Variants in EFCAB6 observed in about 807,000 individuals in gnomAD.
The protein encoded by EFCAB6 is EF-hand calcium-binding domain-containing protein 6.
In EFCAB6, 156 loss-of-function variants were observed where a neutral mutation model predicts 169.8. The ratio of observed to expected loss-of-function variants is 0.92; its 90% CI spans 0.81 to 1.05. EFCAB6 has a LOEUF of 1.05. Among genes scored for constraint, EFCAB6 ranks in the 50% least tolerant of loss-of-function variants. The pLI is 0.00. For synonymous variants in EFCAB6, 698 were observed against 676.4 expected, an observed-to-expected ratio of 1.03 and a Z score of -0.50; for missense variants, 1,800 against 1,829.1, an observed-to-expected ratio of 0.98 and a Z score of 0.29.
At chr22:43,590,031 T>G in intron 24 of EFCAB6, 43 bp downstream of exon 24, 1 of 1,590,572 alleles carries the variant, frequency 6.3e-7, no homozygotes, top group East Asian at 2.2e-5. Flanking sequence ...CCAGTATGTT[T>G]TTCAGGGCCA....
chr22:43,625,902 C>T (rs2054480767), intron 20 of EFCAB6, among the ~76,000 whole-genome samples: 1 of 152,240 alleles, frequency 6.6e-6, no homozygotes, highest in Non-Finnish European at 1.5e-5. Context: ...CACGGCCCTC[C>T]GCCTGCCCCT....
At chr22:43,573,697 C>T (rs1376268484) in intron 26 of EFCAB6, among the ~76,000 whole-genome samples, 5 of 145,436 alleles carry the variant, frequency 3.4e-5, no homozygotes, top group Admixed American at 2.1e-4. Context: ...TGCCATTGCA[C>T]TCCAGCCTGG....
At chr22:43,763,531 AC>A (rs905742161) in intron 5 of EFCAB6, among the ~76,000 whole-genome samples, 1 of 152,050 alleles carries the variant, frequency 6.6e-6, no homozygotes, top group Non-Finnish European at 1.5e-5. Flanking sequence ...AAATTCTTAC[AC>A]CTAAACTGCA....
intron 24 of EFCAB6, among the ~76,000 whole-genome samples, chr22:43,581,351 C>T (rs577750790): frequency 6.6e-6 from 1 of 152,174 alleles, no homozygotes; most frequent in Admixed American, 6.5e-5. Context: ...TTTTACAAAA[C>T]CTATCTAGCT....
At chr22:43,550,985 C>A (rs2048348818) in intron 27 of EFCAB6, among the ~76,000 whole-genome samples, 1 of 152,190 alleles carries the variant, frequency 6.6e-6, no homozygotes, top group Admixed American at 6.5e-5. Flanking sequence ...ACTTACAGAG[C>A]TCGATAAGTC....
rs2051238810 is a variant in EFCAB6, at chr22:43,588,605, A to G, written c.3032+1469T>C. ...AGTCCAGGCAGTTCAATATTCAATA[A>G]CAACAGGAGTTTCAGAAAAAATAGA... is the stretch of plus-strand genomic sequence containing the variant. On this transcript the variant is annotated intron_variant, in intron 24 of 31. Coordinates refer to ENST00000262726, the MANE Select transcript of EFCAB6 (RefSeq NM_022785.4). 2.0e-5 allele frequency among the ~76,000 whole-genome samples: 3 copies of G among 152,240 alleles called. No individual in the cohort carries two copies. The South Asian group carries it at 6.2e-4, about 32-fold the overall frequency.
chr22:43,738,746 C>T (rs1005216282), intron 6 of EFCAB6, among the ~76,000 whole-genome samples: 18 of 152,148 alleles, frequency 1.2e-4, no homozygotes, highest in African/African-American at 4.3e-4. Context: ...TTTCTCCTTC[C>T]ACCTCCTGCT....
chr22:43,716,818 A>G, intron 9 of EFCAB6, 30 bp downstream of exon 9: 3 of 1,589,468 alleles, frequency 1.9e-6, no homozygotes, highest in Non-Finnish European at 2.6e-6. Context: ...TTTACTCTGT[A>G]GGTAATTGTG....
intron 6 of EFCAB6, among the ~76,000 whole-genome samples, chr22:43,751,489 T>C (rs569006155): frequency 1.3e-5 from 2 of 152,326 alleles, no homozygotes; most frequent in African/African-American, 2.4e-5. Flanking sequence ...GCCTGAAGAA[T>C]GTGAGGAAGC....
intron 6 of EFCAB6, among the ~76,000 whole-genome samples, chr22:43,753,109 G>A (rs777812147): frequency 6.6e-6 from 1 of 152,078 alleles, no homozygotes; most frequent in Non-Finnish European, 1.5e-5. Context: ...AACCATCCAC[G>A]GCACCCCACC....
chr22:43,772,175 G>A (rs1185353319), intron 4 of EFCAB6, among the ~76,000 whole-genome samples: 3 of 152,150 alleles, frequency 2.0e-5, no homozygotes, highest in African/African-American at 4.8e-5. Context: ...CACTGGGCTG[G>A]GAGCTCCTCA....
intron 11 of EFCAB6, 33 bp from the exon 12 acceptor site, chr22:43,683,888 G>T (rs2058093546): frequency 2.0e-6 from 3 of 1,508,372 alleles, no homozygotes; most frequent in East Asian, 2.2e-5. Flanking sequence ...GCAGGAATAA[G>T]ATTATGTTCT....
chr22:43,551,440 G>A lies in EFCAB6; in HGVS notation c.3648+3429C>T, dbSNP rs990795074. On this transcript the variant is annotated intron_variant, in intron 27 of 31. Transcript: ENST00000262726. ...ACTTTAGCACGAACCTAATATTCGT[G>A]CCAGAGTTTGAGGTTCTTGATGAGG... 4.6e-5 allele frequency among the ~76,000 whole-genome samples: 7 copies of A among 152,354 alleles called. No homozygotes were observed. In the South Asian group the frequency reaches 1.4e-3, roughly 32 times the overall value.
chr22:43,559,874 CA>C (rs2048924353), intron 26 of EFCAB6, among the ~76,000 whole-genome samples: 1 of 148,252 alleles, frequency 6.7e-6, no homozygotes, highest in East Asian at 2.0e-4. Context: ...GGGTGGGGGG[CA>C]AGGGGAGGGA....
At chr22:43,761,947 T>C (rs1603342887) in intron 5 of EFCAB6, among the ~76,000 whole-genome samples, 1 of 152,248 alleles carries the variant, frequency 6.6e-6, no homozygotes, top group African/African-American at 2.4e-5. Flanking sequence ...TCTCATTCTT[T>C]GTCTCTTCAT....
chr22:43,675,982 C>T (rs2057739327), intron 13 of EFCAB6, among the ~76,000 whole-genome samples: 1 of 151,736 alleles, frequency 6.6e-6, no homozygotes, highest in South Asian at 2.1e-4. Context: ...GCCTAACTGC[C>T]CCAGTGACAA....
chr22:43,808,134 A>G (rs546352147), intron 2 of EFCAB6, among the ~76,000 whole-genome samples: 1 of 152,290 alleles, frequency 6.6e-6, no homozygotes, highest in Admixed American at 6.5e-5. Flanking sequence ...ATATGTATGG[A>G]CTTTTTTCCT....
chr22:43,782,124 A>G, intron 3 of EFCAB6, 56 bp downstream of exon 3: 1 of 1,535,556 alleles, frequency 6.5e-7, no homozygotes, highest in Non-Finnish European at 8.9e-7. Context: ...GGTACATATT[A>G]AATACATATA....
intron 21 of EFCAB6, among the ~76,000 whole-genome samples, chr22:43,612,277 C>T (rs1224834993): frequency 6.6e-6 from 1 of 152,084 alleles, no homozygotes; most frequent in African/African-American, 2.4e-5. Flanking sequence ...AGAAATATTT[C>T]ATGACGAAAG....
Sources: gnomAD v4.1 joint callset for allele counts (sites outside exome capture counted in the v4.1 genomes callset) on GRCh38, gnomAD v4.1.1 for gene constraint, MANE v1.5 for transcripts, NCBI Gene and HGNC (gene_info 2026-07-23, HGNC 2026-07-21) for gene names.